Variants in CDYL observed in about 807,000 individuals in gnomAD.
CDYL encodes the protein chromodomain Y like, also known as chromodomain Y-like protein.
In CDYL, 8 loss-of-function variants were observed where a neutral mutation model predicts 47.3. The observed-to-expected ratio is 0.17, with a 90% CI of 0.10 to 0.31. The LOEUF is 0.31. CDYL is among the 10% of genes least tolerant of loss of function. The probability of loss-of-function intolerance (pLI) is 1.00; values close to 1 mark genes in which losing one functional copy is unlikely to be tolerated. For missense variants in CDYL, 471 were observed against 701.4 expected, an observed-to-expected ratio of 0.67 and a Z score of 3.71; for synonymous variants, 266 against 265.0, an observed-to-expected ratio of 1.00 and a Z score of -0.04.
In CDYL at chr6:4,943,771, A is replaced by G. The variant is rs528300502; in HGVS notation, c.1332+15A>G. On this transcript the variant is annotated intron_variant, in intron 5 of 6. Coordinates refer to ENST00000397588, the MANE Select transcript of CDYL (RefSeq NM_004824.4). ...GAGGAGCATCTGTGAGTACCTTTTT[A>G]AAAAAAAAAAAAAAAAGTCATTCTA... 5.2e-6 allele frequency: 4 copies of G among 772,922 alleles called. No homozygotes were observed. Among genetic ancestry groups the G allele is most frequent in the Admixed American group, 7.4e-5 (1 of 13,472 alleles). The allele number at this position is 772,922 out of a possible 1,614,324, so 47.9% of individuals were successfully genotyped here.
Position 4,941,647 on chromosome 6 carries a change from C to T in CDYL, c.1122-1899C>T, listed in dbSNP as rs531722492. The stretch of plus-strand genomic sequence containing the variant: ...CTTCAGCCTATCAAAATCTAAGTTT[C>T]GACTTACCAATATCTATTAATATTT... On this transcript the variant is annotated intron_variant, in intron 4 of 6. Coordinates refer to ENST00000397588, the MANE Select transcript of CDYL (RefSeq NM_004824.4). Among the ~76,000 whole-genome samples, 8 of 152,294 alleles carry T rather than the reference C, an allele frequency of 5.3e-5. No individual in the cohort carries two copies. In the East Asian group the frequency reaches 7.7e-4, roughly 15 times the overall value.
At chr6:4,925,516 T>C (rs1757845166) in intron 2 of CDYL, among the ~76,000 whole-genome samples, 1 of 147,246 alleles carries the variant, frequency 6.8e-6, no homozygotes, top group African/African-American at 2.5e-5. Flanking sequence ...GGTTCACTCA[T>C]GCCATTCTCC....
intron 2 of CDYL, among the ~76,000 whole-genome samples, chr6:4,720,607 C>G (rs1050842235): frequency 6.6e-6 from 1 of 152,194 alleles, no homozygotes; most frequent in Non-Finnish European, 1.5e-5. Context: ...TAAATTCTAA[C>G]TTAACCACAA....
chr6:4,725,193 G>A (rs527378484), intron 2 of CDYL, among the ~76,000 whole-genome samples: 22 of 152,336 alleles, frequency 1.4e-4, no homozygotes, highest in Admixed American at 1.4e-3. Context: ...GCTGATTGGT[G>A]TATTTACAAT....
intron 2 of CDYL, among the ~76,000 whole-genome samples, chr6:4,732,799 AAAAGG>A (rs1244049349): frequency 5.9e-5 from 9 of 152,190 alleles, no homozygotes; most frequent in Admixed American, 3.3e-4. Flanking sequence ...TTCAAGTTTG[AAAAGG>A]AAAATGAAAG....
chr6:4,850,109 C>T (rs1319853604), intron 1 of CDYL, among the ~76,000 whole-genome samples: 1 of 152,122 alleles, frequency 6.6e-6, no homozygotes, highest in Non-Finnish European at 1.5e-5. Context: ...TTAGTAGTAA[C>T]AAGGGCCTTA....
intron 1 of CDYL, among the ~76,000 whole-genome samples, chr6:4,707,767 G>T (rs140606848): frequency 1.1e-4 from 17 of 152,234 alleles, no homozygotes; most frequent in African/African-American, 3.6e-4. Context: ...ATCCTAGTGG[G>T]TGTGAGATAA....
intron 1 of CDYL, among the ~76,000 whole-genome samples, chr6:4,806,450 A>C (rs369455318): frequency 6.6e-6 from 1 of 152,362 alleles, no homozygotes. Context: ...ATTTTGCAGT[A>C]GTTTTAGAGT....
At chr6:4,893,694 CA>C (rs760685131) in intron 2 of CDYL, among the ~76,000 whole-genome samples, 492 of 103,220 alleles carry the variant, frequency 4.8e-3, no homozygotes, top group Middle Eastern at 5.7e-3. Flanking sequence ...CTCCGTCTCC[CA>C]AAAAAAAAAA....
intron 1 of CDYL, among the ~76,000 whole-genome samples, chr6:4,879,797 T>C (rs903050489): frequency 1.3e-5 from 2 of 152,168 alleles, no homozygotes; most frequent in African/African-American, 4.8e-5. Flanking sequence ...TGACCTCAGA[T>C]GATCTGCCCG....
At chr6:4,754,318 A>G (rs1367355263) in intron 3 of CDYL, among the ~76,000 whole-genome samples, 1 of 152,228 alleles carries the variant, frequency 6.6e-6, no homozygotes, top group African/African-American at 2.4e-5. Flanking sequence ...ATGCAAACCA[A>G]TCACATTTTC....
At chr6:4,896,011 C>A (rs1434674162) in intron 2 of CDYL, among the ~76,000 whole-genome samples, 1 of 152,182 alleles carries the variant, frequency 6.6e-6, no homozygotes, top group East Asian at 1.9e-4. Flanking sequence ...CATCATTTTT[C>A]TCCAAAGCTA....
intron 2 of CDYL, chr6:4,715,917 A>G: frequency 6.3e-7 from 1 of 1,597,848 alleles, no homozygotes; most frequent in Non-Finnish European, 8.5e-7. Flanking sequence ...GTTCTGATGC[A>G]GTAGGCAGAA....
chr6:4,924,991 A>AGAAGTG (rs1757825234), intron 2 of CDYL, among the ~76,000 whole-genome samples: 1 of 152,260 alleles, frequency 6.6e-6, no homozygotes, highest in Non-Finnish European at 1.5e-5. Flanking sequence ...ATTTGCCTGT[A>AGAAGTG]GAAGTGGGCC....
At chr6:4,834,438 G>T (rs1376210283) in intron 1 of CDYL, among the ~76,000 whole-genome samples, 4 of 150,170 alleles carry the variant, frequency 2.7e-5, no homozygotes, top group Admixed American at 2.0e-4. Context: ...TCTGCCGAGA[G>T]ATCCGCTGTT....
chr6:4,727,589 AC>A (rs986507718), intron 2 of CDYL, among the ~76,000 whole-genome samples: 2 of 15,884 alleles, frequency 1.3e-4, no homozygotes, highest in African/African-American at 2.3e-4. Flanking sequence ...CCTGCCTCCC[AC>A]CCACCCCCTC....
intron 5 of CDYL, 61 bp from the exon 6 acceptor site, chr6:4,952,205 T>C (rs1758726763): frequency 1.9e-6 from 3 of 1,564,416 alleles, no homozygotes; most frequent in East Asian, 2.3e-5. Context: ...TTTTAAGGGA[T>C]GGGTCTTCCC....
At chr6:4,729,139 G>A (rs1009869494) in intron 2 of CDYL, among the ~76,000 whole-genome samples, 1 of 152,110 alleles carries the variant, frequency 6.6e-6, no homozygotes, top group South Asian at 2.1e-4. Flanking sequence ...AGAGTCAGCA[G>A]GTCAACAACA....
chr6:4,714,940 TTA>T (rs1477854735), intron 1 of CDYL: 1 of 152,170 alleles, frequency 6.6e-6, no homozygotes, highest in Non-Finnish European at 1.5e-5. Flanking sequence ...AGTTTTAAAT[TTA>T]TATGTGACTT....
Sources: allele counts gnomAD v4.1 joint callset (sites outside exome capture counted in the v4.1 genomes callset), GRCh38; gene constraint gnomAD v4.1.1; transcripts MANE v1.5; gene names NCBI Gene and HGNC (gene_info 2026-07-23, HGNC 2026-07-21).